Variants in PDE8B observed in about 807,000 individuals in gnomAD.
The protein encoded by PDE8B is high affinity cAMP-specific and IBMX-insensitive 3',5'-cyclic phosphodiesterase 8B.
Under a neutral mutation model 101.3 loss-of-function variants are expected in PDE8B, and 26 were observed. That is an observed-to-expected ratio of 0.26 (90% CI 0.19 to 0.36). PDE8B has a LOEUF of 0.36. Among genes scored for constraint, PDE8B ranks in the 10% least tolerant of loss-of-function variants. PDE8B has a pLI of 1.00. For synonymous variants in PDE8B, 424 were observed against 429.3 expected (o/e 0.99, Z 0.15); for missense variants, 810 against 1,163.1 (o/e 0.70, Z 4.42).
intron 1 of PDE8B, among the ~76,000 whole-genome samples, chr5:77,248,743 A>G (rs776780231): frequency 2.2e-4 from 34 of 152,194 alleles, no homozygotes; most frequent in Non-Finnish European, 4.7e-4. Flanking sequence ...CTCCAAATTC[A>G]TGTGTTGAAG....
chr5:77,324,828 C>T (rs994157007), intron 2 of PDE8B, among the ~76,000 whole-genome samples: 4 of 152,126 alleles, frequency 2.6e-5, no homozygotes, highest in Non-Finnish European at 5.9e-5. Flanking sequence ...AAATGTAAAC[C>T]ATAATCTAAC....
Position 77,211,789 on chromosome 5 carries a change from A to G in PDE8B, c.339+525A>G, listed in dbSNP as rs1748481254. On this transcript the variant is annotated intron_variant, in intron 1 of 21. Coordinates refer to ENST00000264917, the MANE Select transcript of PDE8B (RefSeq NM_003719.5). This position sits in a 1 kb window ranked among gnomAD's most constrained non-coding sequence, Gnocchi z 4.1. ...ACCGAGCGTAGGGATTTGTGAATGA[A>G]TGAGTGTTCGTGTTTTAAGAGATGT... is the stretch of plus-strand genomic sequence containing the variant. 2.0e-5 allele frequency among the ~76,000 whole-genome samples: 3 copies of G among 152,202 alleles called. No individual in the cohort carries two copies. The highest frequency in any genetic ancestry group is 2.0e-4 in the Admixed American group (3 of 15,290).
At chr5:77,180,443 C>T in the PDE8B span, 1 of 985,288 alleles carries the variant, frequency 1.0e-6, no homozygotes, top group Non-Finnish European at 1.2e-6. Context: ...GAGCCGCCCG[C>T]CGCCGGCATG....
intron 1 of PDE8B, among the ~76,000 whole-genome samples, chr5:77,246,315 C>T (rs1756933844): frequency 1.3e-5 from 2 of 152,170 alleles, no homozygotes; most frequent in African/African-American, 4.8e-5. Flanking sequence ...CCTCAGAGGG[C>T]AGGTCCCAGG....
At chr5:77,291,453 G>A in intron 1 of PDE8B, 1 of 1,611,292 alleles carries the variant, frequency 6.2e-7, no homozygotes, top group Non-Finnish European at 8.5e-7. Flanking sequence ...TGCATCCATT[G>A]CACACACAGA....
intron 1 of PDE8B, among the ~76,000 whole-genome samples, chr5:77,292,171 G>T (rs1305735080): frequency 6.6e-6 from 1 of 152,082 alleles, no homozygotes; most frequent in Admixed American, 6.5e-5. Context: ...TGTGAGTGTT[G>T]GTTGCGCAGA....
At chr5:77,332,060 A>G (rs771349196) in intron 5 of PDE8B, among the ~76,000 whole-genome samples, 3 of 152,208 alleles carry the variant, frequency 2.0e-5, no homozygotes, top group Non-Finnish European at 4.4e-5. Context: ...ATCTCAGGGT[A>G]GAAATTAGAT....
the PDE8B span, among the ~76,000 whole-genome samples, chr5:77,116,586 A>G: frequency 1.3e-5 from 2 of 152,174 alleles, no homozygotes; most frequent in African/African-American, 2.4e-5. Context: ...AGAGACAACA[A>G]ACTTAAAACT....
chr5:77,278,667 C>T (rs1764327977), intron 1 of PDE8B, among the ~76,000 whole-genome samples: 1 of 152,104 alleles, frequency 6.6e-6, no homozygotes. Flanking sequence ...GACGGGGTTT[C>T]ACTGTGTTAG....
the PDE8B span, among the ~76,000 whole-genome samples, chr5:77,153,174 G>C: frequency 6.6e-6 from 1 of 152,184 alleles, no homozygotes; most frequent in African/African-American, 2.4e-5. Flanking sequence ...CCAAATGTCA[G>C]TGTGCCAAGG....
chr5:77,407,974 C>T (rs1793818800), intron 13 of PDE8B, among the ~76,000 whole-genome samples: 1 of 152,110 alleles, frequency 6.6e-6, no homozygotes, highest in South Asian at 2.1e-4. Context: ...AGTTTATGTG[C>T]ACTGGAAACC....
At chr5:77,346,459 C>T (rs6858922) in intron 7 of PDE8B, among the ~76,000 whole-genome samples, 20,921 of 152,244 alleles carry the variant, frequency 0.14, 3,001 homozygotes, top group African/African-American at 0.36. Flanking sequence ...GCCCACTAGC[C>T]GCCCCTCCAC....
At chr5:77,245,860 C>CG (rs1249666849) in intron 1 of PDE8B, among the ~76,000 whole-genome samples, 1 of 92,972 alleles carries the variant, frequency 1.1e-5, no homozygotes, top group African/African-American at 5.7e-5. Flanking sequence ...CCCCCCCCCC[C>CG]CAACTTTTTG....
the PDE8B span, among the ~76,000 whole-genome samples, chr5:77,191,565 G>A: frequency 6.6e-6 from 1 of 152,048 alleles, no homozygotes; most frequent in South Asian, 2.1e-4. Flanking sequence ...GTGTTAGCCA[G>A]GATGGTCTCA....
Position 77,407,461 on chromosome 5 carries a change from A to G in PDE8B, c.1365+4A>G, listed in dbSNP as rs770073448. On this transcript the variant is annotated splice_donor_region_variant and intron_variant, in intron 13 of 21. Transcript: ENST00000264917. ...CATCGAGGCTCCCATCACAAAGGTG[A>G]GTGGCGGCTGCTGCCTGCACTCTGC... 9.3e-6 allele frequency: 15 copies of G among 1,610,048 alleles called. No individual in the cohort carries two copies. The East Asian group carries it at 3.3e-4, about 36-fold the overall frequency.
chr5:77,349,345 T>C, intron 7 of PDE8B, 74 bp from the exon 8 acceptor site: 1 of 1,593,636 alleles, frequency 6.3e-7, no homozygotes, highest in Non-Finnish European at 8.6e-7. Context: ...CAAGTCTTCC[T>C]ACGGGGCACA....
intron 1 of PDE8B, among the ~76,000 whole-genome samples, chr5:77,219,775 A>G (rs1000711513): frequency 6.6e-6 from 1 of 152,172 alleles, no homozygotes. Flanking sequence ...AAAGCCACCA[A>G]TAGTGTTTGG....
At chr5:77,329,625 G>T (rs1776733487) in intron 4 of PDE8B, among the ~76,000 whole-genome samples, 1 of 152,196 alleles carries the variant, frequency 6.6e-6, no homozygotes, top group South Asian at 2.1e-4. Context: ...CGCTTGCTCT[G>T]CTGGGTTTAT....
intron 21 of PDE8B, chr5:77,426,228 A>T: frequency 1.6e-6 from 1 of 611,302 alleles, no homozygotes; most frequent in Non-Finnish European, 2.9e-6. Flanking sequence ...TTTACTCTGA[A>T]TCACAGGTTC....
Sources: allele counts gnomAD v4.1 joint callset (sites outside exome capture counted in the v4.1 genomes callset), GRCh38; gene constraint gnomAD v4.1.1; non-coding constraint Gnocchi (gnomAD v3.1); transcripts MANE v1.5; gene names NCBI Gene and HGNC (gene_info 2026-07-23, HGNC 2026-07-21).